COL3A1: variants seen among roughly 807,000 people sequenced by gnomAD.
COL3A1 encodes collagen alpha-1(III) chain.
In COL3A1, 46 loss-of-function variants were observed where a neutral mutation model predicts 200.9. That is an observed-to-expected ratio of 0.23 (90% confidence interval 0.18 to 0.29). COL3A1 has a LOEUF of 0.29. Ranked by LOEUF, COL3A1 falls within the 10% of genes least tolerant of loss-of-function variation. COL3A1 has a pLI of 1.00. For synonymous variants in COL3A1, 650 were observed against 628.0 expected (o/e 1.03, Z -0.52); for missense variants, 1,367 against 1,917.6 (o/e 0.71, Z 5.36).
Position 189,007,462 on chromosome 2 carries a change from G to A in COL3A1, c.3256-38G>A, listed in dbSNP as rs370648879. ...TCTATTTTATTTTTCCAATATGTAT[G>A]TGTGTATATGACTTCAATTCAAAAT... is the stretch of plus-strand genomic sequence containing the variant. On this transcript the variant is annotated intron_variant, in intron 44 of 50. Coordinates refer to ENST00000304636, the MANE Select transcript of COL3A1 (RefSeq NM_000090.4). The A allele has an allele frequency of 4.6e-5, 66 of 1,438,940 alleles. No homozygotes were observed. In the African/African-American group the frequency reaches 7.4e-4, roughly 16 times the overall value. 89.1% of individuals were successfully genotyped at this position (1,438,940 alleles called of 1,614,324 possible).
At chr2:188,979,740 A>G (rs1687910288) in intron 1 of COL3A1, among the ~76,000 whole-genome samples, 1 of 151,920 alleles carries the variant, frequency 6.6e-6, no homozygotes, top group Non-Finnish European at 1.5e-5. Context: ...ATCATATGGG[A>G]CAGAGCTTTG....
Position 188,996,268 on chromosome 2 carries a change from G to GTA in COL3A1, c.1662+91_1662+92insAT, listed in dbSNP as rs199811168. ...TCCTTGAGTGTGTGTGTGTGTGTGT[G>GTA]TGTATATATATATATGTATATGTAT... On this transcript the variant is annotated intron_variant, in intron 23 of 50. Transcript: ENST00000304636. 2,589 of 891,858 alleles carry GTA rather than the reference G, an allele frequency of 2.9e-3. 40 individuals carry two copies. In the African/African-American group the frequency reaches 0.055, roughly 19 times the overall value. The allele number at this position is 891,858 out of a possible 1,614,324, so 55.2% of individuals were successfully genotyped here.
chr2:188,977,788 C>T (rs547785077), intron 1 of COL3A1, among the ~76,000 whole-genome samples: 22 of 151,968 alleles, frequency 1.4e-4, no homozygotes, highest in Middle Eastern at 3.2e-3. Context: ...AATTATATAT[C>T]GTCCTAGAAA....
chr2:189,003,134 C>CCT (rs1688506910), intron 36 of COL3A1, 72 bp downstream of exon 36: 4 of 1,223,200 alleles, frequency 3.3e-6, no homozygotes, highest in East Asian at 2.5e-5. Context: ...TCTATCTCTC[C>CCT]CTCTCTCTCT....
In COL3A1 at chr2:188,994,713, T is replaced by A. The variant is rs1334349221; in HGVS notation, c.1348-11T>A. The A allele has an allele frequency of 2.5e-6, 4 of 1,613,396 alleles. No individual in the cohort carries two copies. Among genetic ancestry groups the A allele is most frequent in the Non-Finnish European group, 3.4e-6 (4 of 1,179,724 alleles). ...TAATTTCTTTATTTTACCATCTTTTTTTTTTTTCAGGGTGAGGCTGGTATT... is the reference window on the plus strand; with the variant it reads ...TAATTTCTTTATTTTACCATCTTTTATTTTTTTCAGGGTGAGGCTGGTATT... On this transcript the variant is annotated splice_polypyrimidine_tract_variant and intron_variant, in intron 19 of 50. Coordinates refer to ENST00000304636, the MANE Select transcript of COL3A1 (RefSeq NM_000090.4). The surrounding 1 kb of genome is among the most constrained non-coding windows in gnomAD (Gnocchi z 4.5).
rs1687768675 is a variant in COL3A1, at chr2:188,974,594, CTT to C, written c.79+28_79+29del. The stretch of plus-strand genomic sequence containing the variant: ...GTGAGTAGGTACTGATTTCAAGAAA[CTT>C]TATGGGATTTTTGTCTTTCTTCTCC... On this transcript the variant is annotated intron_variant, in intron 1 of 50. Coordinates refer to ENST00000304636, the MANE Select transcript of COL3A1 (RefSeq NM_000090.4). 5 of 1,589,018 alleles carry C rather than the reference CTT, an allele frequency of 3.1e-6. No homozygotes were observed. In the East Asian group the frequency reaches 8.9e-5, roughly 28 times the overall value.
chr2:188,990,650 T>C (rs1232361222), intron 10 of COL3A1, among the ~76,000 whole-genome samples: 1 of 152,188 alleles, frequency 6.6e-6, no homozygotes, highest in East Asian at 1.9e-4. Context: ...CTTAATATGA[T>C]TTATAGATTG....
At chr2:188,984,196 A>G (rs1338948619) in intron 1 of COL3A1, among the ~76,000 whole-genome samples, 2 of 152,058 alleles carry the variant, frequency 1.3e-5, no homozygotes, top group African/African-American at 4.8e-5. Flanking sequence ...ACTAATGCCA[A>G]ATAGAGCTAA....
chr2:189,010,081 G>A lies in COL3A1; in HGVS notation c.3824-97G>A, dbSNP rs1039834707. On this transcript the variant is annotated intron_variant, in intron 48 of 50. Coordinates refer to ENST00000304636, the MANE Select transcript of COL3A1 (RefSeq NM_000090.4). ...CTATACATAAAATGCAGACACATTA[G>A]CAGTCAACATTATGAATGCCTTTAC... 14 of 1,108,422 alleles carry A rather than the reference G, an allele frequency of 1.3e-5. No homozygotes were observed. The Admixed American group carries it at 2.2e-4, about 17-fold the overall frequency. The allele number at this position is 1,108,422 out of a possible 1,614,324, so 68.7% of individuals were successfully genotyped here. A position where few individuals can be genotyped will look rare whatever the true frequency, so the allele number is the denominator to read the frequency against.
intron 16 of COL3A1, among the ~76,000 whole-genome samples, chr2:188,993,781 GAGA>G (rs1688237672): frequency 6.6e-6 from 1 of 152,102 alleles, no homozygotes; most frequent in South Asian, 2.1e-4. Flanking sequence ...TAAAAATTCA[GAGA>G]AGAACCAAAT....
intron 6 of COL3A1, 89 bp from the exon 7 acceptor site, chr2:188,988,501 T>G: frequency 1.1e-6 from 1 of 945,548 alleles, no homozygotes; most frequent in Non-Finnish European, 1.7e-6. Context: ...CTGATTACAT[T>G]CACAATCCTG....
At position 188,990,989 on chromosome 2, in the gene COL3A1, T is replaced by G. The variant is rs1347556756; in HGVS notation, c.799-15T>G. Reference sequence around the variant, plus strand: ...ACAGATTTTAATAATTTTGCTGGTTTTATACATTTCCTAGGGCTTCGATGG... The same window carrying G: ...ACAGATTTTAATAATTTTGCTGGTTGTATACATTTCCTAGGGCTTCGATGG... On this transcript the variant is annotated splice_polypyrimidine_tract_variant and intron_variant, in intron 10 of 50. Coordinates refer to ENST00000304636, the MANE Select transcript of COL3A1 (RefSeq NM_000090.4). 2 of 1,612,358 alleles carry G rather than the reference T, an allele frequency of 1.2e-6. No individual in the cohort carries two copies. The highest frequency in any genetic ancestry group is 2.2e-5 in the East Asian group (1 of 44,742).
chr2:189,001,259 A>G (rs1261354879), intron 32 of COL3A1, 138 bp from the exon 33 acceptor site: 1 of 740,014 alleles, frequency 1.4e-6, no homozygotes, highest in Non-Finnish European at 2.3e-6. Flanking sequence ...AGAAAAGCAT[A>G]GCATTCAAGC....
intron 48 of COL3A1, 108 bp from the exon 49 acceptor site, chr2:189,010,070 C>A: frequency 9.9e-7 from 1 of 1,013,686 alleles, no homozygotes; most frequent in Non-Finnish European, 1.5e-6. Context: ...ACATAAAATG[C>A]AGACACATTA....
At chr2:189,004,404 G>A (rs981881760) in intron 40 of COL3A1, 40 bp downstream of exon 40, 42 of 1,536,394 alleles carry the variant, frequency 2.7e-5, no homozygotes, top group Non-Finnish European at 3.7e-5. Context: ...TCCTTCCTTT[G>A]GTAGCCTTCA....
chr2:188,976,505 A>G (rs1363177764), intron 1 of COL3A1, among the ~76,000 whole-genome samples: 7 of 152,162 alleles, frequency 4.6e-5, no homozygotes, highest in Non-Finnish European at 7.4e-5. Context: ...AGTACATCTT[A>G]TGTTCCCTGT....
In COL3A1 at chr2:189,003,722, A is replaced by C. The variant is rs760427819; in HGVS notation, c.2608-12A>C. 6.2e-7 allele frequency: 1 copy of C among 1,613,700 alleles called. No individual in the cohort carries two copies. On this transcript the variant is annotated splice_polypyrimidine_tract_variant and intron_variant, in intron 37 of 50. Transcript: ENST00000304636. ...TACTTTTGAAATTCAAAAATATATT[A>C]CCATTTCACAGGGTGCTGCTGGCTT...
intron 40 of COL3A1, 88 bp downstream of exon 40, chr2:189,004,452 T>C: frequency 8.0e-7 from 1 of 1,247,770 alleles, no homozygotes; most frequent in Non-Finnish European, 1.1e-6. Flanking sequence ...AAAGTTTTTC[T>C]GTCACTGGAG....
chr2:188,988,131 C>T lies in COL3A1; in HGVS notation c.579C>T (p.Ser193=). The T allele has an allele frequency of 6.2e-7, 1 of 1,612,118 alleles. No individual in the cohort carries two copies. The highest frequency in any genetic ancestry group is 8.5e-7 in the Non-Finnish European group (1 of 1,178,400). Reference sequence around the variant, plus strand: ...CTGGTACATCTGGTCATCCTGGTTCCCCTGTAAGTATAGCCATTGGTGGTG... The same window carrying T: ...CTGGTACATCTGGTCATCCTGGTTCTCCTGTAAGTATAGCCATTGGTGGTG... ...GPPGTSGHPG[S]PGSPGYQGPP... is the part of the protein sequence containing the mutation. The change falls in exon 6 of 51, where the codon TCC becomes TCT. Residue 193 remains serine (S), a synonymous_variant. Coordinates refer to ENST00000304636, the MANE Select transcript of COL3A1 (RefSeq NM_000090.4).
Sources: gnomAD v4.1 joint callset for allele counts (sites outside exome capture counted in the v4.1 genomes callset) on GRCh38, gnomAD v4.1.1 for gene constraint, Gnocchi (gnomAD v3.1) non-coding constraint, MANE v1.5 for transcripts, NCBI Gene and HGNC (gene_info 2026-07-23, HGNC 2026-07-21) for gene names.